Variants in SERINC2 observed in about 807,000 individuals in gnomAD.
The protein encoded by SERINC2 is serine incorporator 2.
SERINC2 carries 56 observed loss-of-function variants against 54.2 expected under a neutral mutation model. That is an observed-to-expected ratio of 1.03 (90% CI 0.83 to 1.29). SERINC2 has a LOEUF of 1.29. Ranked by LOEUF, SERINC2 falls within the 50% of genes most tolerant of loss-of-function variation. SERINC2 has a pLI of 0.00. For missense variants in SERINC2, 614 were observed against 607.4 expected, an observed-to-expected ratio of 1.01 and a Z score of -0.12; for synonymous variants, 272 against 253.1, an observed-to-expected ratio of 1.07 and a Z score of -0.71.
chr1:31,432,183 T>TAGGGTGGACAGGGTGGACAGGGTGGAC, intron 8 of SERINC2, among the ~76,000 whole-genome samples: 1 of 61,640 alleles, frequency 1.6e-5, no homozygotes, highest in African/African-American at 4.7e-5. Context: ...ATAGGGTGGA[T>TAGGGTGGACAGGGTGGACAGGGTGGAC]AGGGTGGTTA....
At chr1:31,414,425 G>GTGTGTGTGTGTT (rs1553131936) in intron 1 of SERINC2, 1 of 763,268 alleles carries the variant, frequency 1.3e-6, no homozygotes, top group Non-Finnish European at 1.6e-6. Flanking sequence ...GACGGGTTGT[G>GTGTGTGTGTGTT]TGTGTGTGTG....
chr1:31,413,811 T>G lies in SERINC2; in HGVS notation c.39+507T>G. 1 of 1,374,434 alleles carries G rather than the reference T, an allele frequency of 7.3e-7. No homozygotes were observed. The highest frequency in any genetic ancestry group is 3.1e-5 in the East Asian group (1 of 32,078). The allele number at this position is 1,374,434 out of a possible 1,614,324, so 85.1% of individuals were successfully genotyped here. A position where few individuals can be genotyped will look rare whatever the true frequency, so the allele number is the denominator to read the frequency against. ...TGTCGCTCGGGCTCCGCCTGTCCGT[T>G]CGTATTTGTCTGGTTCCTGTCTGTG... On this transcript the variant is annotated intron_variant, in intron 1 of 9. Coordinates refer to ENST00000373709, the MANE Select transcript of SERINC2 (RefSeq NM_178865.5). The surrounding 1 kb of genome is among the most constrained non-coding windows in gnomAD (Gnocchi z 5.0).
Position 31,413,221 on chromosome 1 carries a change from C to A in SERINC2, c.-45C>A. On this transcript the variant is annotated 5_prime_UTR_variant, in exon 1 of 10. Coordinates refer to ENST00000373709, the MANE Select transcript of SERINC2 (RefSeq NM_178865.5). This position sits in a 1 kb window ranked among gnomAD's most constrained non-coding sequence, Gnocchi z 5.0. ...CCCGGCACCCGGATCCCGAGGTCCG[C>A]GCCCCGCGCCCGGCGCCGGGCGCCC... is the stretch of plus-strand genomic sequence containing the variant. The A allele has an allele frequency of 9.0e-7, 1 of 1,109,056 alleles. No homozygotes were observed. Among genetic ancestry groups the A allele is most frequent in the Non-Finnish European group, 1.1e-6 (1 of 913,022 alleles). The allele number at this position is 1,109,056 out of a possible 1,614,324, so 68.7% of individuals were successfully genotyped here. A position where few individuals can be genotyped will look rare whatever the true frequency, so the allele number is the denominator to read the frequency against.
intron 5 of SERINC2, 47 bp downstream of exon 5, chr1:31,425,960 G>T: frequency 1.3e-6 from 2 of 1,576,664 alleles, no homozygotes; most frequent in South Asian, 2.3e-5. Flanking sequence ...AGCCTGGGCA[G>T]GGCTGGGGCT....
chr1:31,433,382 C>T (rs1221569364), intron 9 of SERINC2, among the ~76,000 whole-genome samples, 197 bp downstream of exon 9: 4 of 152,154 alleles, frequency 2.6e-5, no homozygotes, highest in African/African-American at 9.7e-5. Context: ...GCTCAGCTCC[C>T]GCACCTTCAC....
At chr1:31,413,040 C>A, upstream of SERINC2, 1 of 632,330 alleles carries the variant, frequency 1.6e-6, no homozygotes, top group Non-Finnish European at 2.0e-6. This position sits in a 1 kb window ranked among gnomAD's most constrained non-coding sequence, Gnocchi z 5.0. Flanking sequence ...GCTCGCGTGG[C>A]CGCGGGAATC....
chr1:31,429,199 C>A, intron 7 of SERINC2, 131 bp downstream of exon 7: 1 of 1,023,974 alleles, frequency 9.8e-7, no homozygotes, highest in Non-Finnish European at 1.5e-6. Context: ...TCAGTCCTCC[C>A]ATGAGATGGG....
intron 8 of SERINC2, 104 bp from the exon 9 acceptor site, chr1:31,432,863 C>T (rs1641352587): frequency 1.2e-6 from 1 of 834,176 alleles, no homozygotes; most frequent in South Asian, 1.7e-5. Context: ...CTCCCAGGCC[C>T]AGTAACCGGG....
chr1:31,429,409 AC>A lies in SERINC2; in HGVS notation c.889del (p.His297IlefsTer51). 1 of 1,612,210 alleles carries A rather than the reference AC, an allele frequency of 6.2e-7. No individual in the cohort carries two copies. The highest frequency in any genetic ancestry group is 8.5e-7 in the Non-Finnish European group (1 of 1,179,020). On this transcript the variant is annotated frameshift_variant, in exon 8 of 10. Transcript: ENST00000373709. LOFTEE classifies it high-confidence loss of function. Reference sequence around the variant, plus strand: ...CTCCCATCTCCAGAACAGAAATGCAACCCCCATTTGCCAACCCAGCTGGGCA... The same window carrying A: ...CTCCCATCTCCAGAACAGAAATGCAACCCCATTTGCCAACCCAGCTGGGCA... Reference protein sequence around the residue: ...ALSSIPEQKCNPHLPTQLGNE... With the variant: ...ALSSIPEQKCXPHLPTQLGNE...
chr1:31,422,785 A>C (rs888512704), intron 1 of SERINC2, among the ~76,000 whole-genome samples: 5 of 152,108 alleles, frequency 3.3e-5, no homozygotes, highest in Admixed American at 3.3e-4. Flanking sequence ...GGCTCCCAGG[A>C]GGGTGAGTCT....
intron 1 of SERINC2, among the ~76,000 whole-genome samples, chr1:31,420,344 T>C (rs1640875250): frequency 6.6e-6 from 1 of 152,106 alleles, no homozygotes; most frequent in Admixed American, 6.5e-5. Flanking sequence ...GATTTTGATG[T>C]TTAAGAACCA....
intron 8 of SERINC2, among the ~76,000 whole-genome samples, chr1:31,432,183 T>TGGACAGGGTGGAC (rs1641309550): frequency 1.6e-5 from 1 of 61,590 alleles, no homozygotes; most frequent in African/African-American, 4.7e-5. Flanking sequence ...ATAGGGTGGA[T>TGGACAGGGTGGAC]AGGGTGGTTA....
intron 1 of SERINC2, chr1:31,414,662 T>C: frequency 1.0e-6 from 1 of 985,366 alleles, no homozygotes; most frequent in Non-Finnish European, 1.2e-6. Context: ...GTGCCTGAAA[T>C]CCCTCCCAGC....
chr1:31,409,797 A>G, upstream of SERINC2: 2 of 1,550,504 alleles, frequency 1.3e-6, no homozygotes, highest in Non-Finnish European at 1.7e-6. Flanking sequence ...GCGAAGCCCA[A>G]GGGATAGGAG....
intron 1 of SERINC2, chr1:31,414,017 G>A (rs1043699991): frequency 1.3e-6 from 2 of 1,523,598 alleles, no homozygotes; most frequent in Non-Finnish European, 1.8e-6. Flanking sequence ...GACTGGGATG[G>A]GAGCGGAGGG....
intron 7 of SERINC2, 101 bp downstream of exon 7, chr1:31,429,169 G>A (rs1641126862): frequency 8.8e-7 from 1 of 1,138,142 alleles, no homozygotes; most frequent in Non-Finnish European, 1.3e-6. Context: ...GGACATCCCT[G>A]CTCCAGCCCA....
intron 5 of SERINC2, 47 bp from the exon 6 acceptor site, chr1:31,426,607 C>T: frequency 6.6e-7 from 1 of 1,526,702 alleles, no homozygotes; most frequent in Non-Finnish European, 9.0e-7. Context: ...ATCCCTGTTC[C>T]TCCTGCCCCA....
intron 1 of SERINC2, among the ~76,000 whole-genome samples, chr1:31,417,195 C>A (rs1553132312): frequency 6.6e-6 from 1 of 152,182 alleles, no homozygotes; most frequent in African/African-American, 2.4e-5. Flanking sequence ...GACAACAGCC[C>A]CTGACTCTCC....
At position 31,413,886 on chromosome 1, in the gene SERINC2, T is replaced by TGCCCGTCC. The variant is rs1394803476; in HGVS notation, c.39+592_39+599dup. 8.3e-6 allele frequency: 12 copies of TGCCCGTCC among 1,448,380 alleles called. No homozygotes were observed. The highest frequency in any genetic ancestry group is 1.4e-5 in the South Asian group (1 of 70,510). The allele number at this position is 1,448,380 out of a possible 1,614,324, so 89.7% of individuals were successfully genotyped here. A position where few individuals can be genotyped will look rare whatever the true frequency, so the allele number is the denominator to read the frequency against. On this transcript the variant is annotated intron_variant, in intron 1 of 9. Transcript: ENST00000373709. The surrounding 1 kb of genome is among the most constrained non-coding windows in gnomAD (Gnocchi z 5.0). ...GTCCGTCTGCTGTCTTCTGTCCGTCTGCCCGTCCGCCCGTCCGTCCCTCAG... is the reference window on the plus strand; with the variant it reads ...GTCCGTCTGCTGTCTTCTGTCCGTCTGCCCGTCCGCCCGTCCGCCCGTCCGTCCCTCAG...
Sources: gnomAD v4.1 joint callset for allele counts (sites outside exome capture counted in the v4.1 genomes callset) on GRCh38, gnomAD v4.1.1 for gene constraint, Gnocchi (gnomAD v3.1) non-coding constraint, MANE v1.5 for transcripts, NCBI Gene and HGNC (gene_info 2026-07-23, HGNC 2026-07-21) for gene names.